The following PNPLA3 variants were observed in gnomAD, a reference collection of about 807,000 sequenced individuals.
The protein encoded by PNPLA3 is 1-acylglycerol-3-phosphate O-acyltransferase PNPLA3.
In PNPLA3, 42 loss-of-function variants were observed where a neutral mutation model predicts 43.1. The observed-to-expected ratio is 0.97, with a 90% CI of 0.76 to 1.26. PNPLA3 has a LOEUF of 1.26. Among genes scored for constraint, PNPLA3 ranks in the 50% most tolerant of loss-of-function variants. The pLI, the probability that PNPLA3 is intolerant of heterozygous loss-of-function variation, is 0.00. For missense variants in PNPLA3, 647 were observed against 621.4 expected (o/e 1.04, Z -0.44); for synonymous variants, 272 against 253.6 (o/e 1.07, Z -0.69).
At chr22:43,930,255 A>C (rs780099584) in intron 3 of PNPLA3, among the ~76,000 whole-genome samples, 1 of 152,172 alleles carries the variant, frequency 6.6e-6, no homozygotes, top group African/African-American at 2.4e-5. Context: ...GAGCACGGCC[A>C]GCGAGCTTGC....
intron 6 of PNPLA3, chr22:43,939,436 G>A: frequency 1.0e-6 from 1 of 967,980 alleles, no homozygotes; most frequent in Non-Finnish European, 1.2e-6. Flanking sequence ...GGAGCTGGGA[G>A]TGGGGACCCT....
In PNPLA3 at chr22:43,946,281, A is replaced by G. The variant is rs2050063075; in HGVS notation, c.1345A>G (p.Ile449Val). 1 of 1,614,186 alleles carries G rather than the reference A, an allele frequency of 6.2e-7. No individual in the cohort carries two copies. The highest frequency in any genetic ancestry group is 1.3e-5 in the African/African-American group (1 of 75,038). The change falls in exon 9 of 9, where the codon ATC (isoleucine) becomes GTC (valine). Residue 449 changes from isoleucine (I) to valine (V), a missense_variant. Coordinates refer to ENST00000216180, the MANE Select transcript of PNPLA3 (RefSeq NM_025225.3). Reference protein sequence around the residue: ...ETKAEATPRSILRSSLNFFLG... With the variant: ...ETKAEATPRSVLRSSLNFFLG... ...CAAAGCAGAGGCCACCCCGCGGTCC[A>G]TCCTCAGGTCCAGCCTGAACTTCTT... is the stretch of plus-strand genomic sequence containing the variant.
Position 43,933,096 on chromosome 22 carries a change from G to A in PNPLA3, c.696+9G>A. On this transcript the variant is annotated intron_variant, in intron 4 of 8. Transcript: ENST00000216180. Reference sequence around the variant, plus strand: ...TCCCCCCGGATCTCAAGGTGAGTTGGTGGTGAGGGGGCAGGTGTTCTGGGG... The same window carrying A: ...TCCCCCCGGATCTCAAGGTGAGTTGATGGTGAGGGGGCAGGTGTTCTGGGG... 1.2e-6 allele frequency: 2 copies of A among 1,612,012 alleles called. No individual in the cohort carries two copies. The highest frequency in any genetic ancestry group is 1.7e-6 in the Non-Finnish European group (2 of 1,179,028).
At position 43,924,015 on chromosome 22, in the gene PNPLA3, A is replaced by T. The variant is rs1248318313; in HGVS notation, c.104A>T (p.His35Leu). ...CGCTGCCTGAGCGAGCACGCCCCGC[A>T]CCTCCTCCGCGACGCGCGCATGTTG... ...ATRCLSEHAP[H>L]LLRDARMLFG... The change falls in exon 1 of 9, where the codon CAC becomes CTC. Residue 35 changes from histidine (H) to leucine (L), a missense_variant. His to Leu is a moderately conservative substitution (Grantham distance 99). Transcript: ENST00000216180. 5.7e-6 allele frequency: 9 copies of T among 1,583,460 alleles called. 1 individual carries two copies. Among genetic ancestry groups the T allele is most frequent in the East Asian group, 4.7e-5 (2 of 42,640 alleles).
intron 6 of PNPLA3, chr22:43,939,434 G>A (rs907407993): frequency 2.1e-6 from 2 of 970,420 alleles, no homozygotes; most frequent in African/African-American, 1.8e-5. Flanking sequence ...AAGGAGCTGG[G>A]AGTGGGGACC....
At chr22:43,932,778 G>A in intron 3 of PNPLA3, 100 bp from the exon 4 acceptor site, 7 of 1,036,570 alleles carry the variant, frequency 6.8e-6, no homozygotes, top group Non-Finnish European at 1.0e-5. Flanking sequence ...GCCTGTTTGT[G>A]GCTCTGAGAA....
rs781212740 is a variant in PNPLA3, at chr22:43,939,979, A to C, written c.980-14A>C. On this transcript the variant is annotated splice_polypyrimidine_tract_variant and intron_variant, in intron 6 of 8. Coordinates refer to ENST00000216180, the MANE Select transcript of PNPLA3 (RefSeq NM_025225.3). Reference sequence around the variant, plus strand: ...CAGTGGTGGGAGATAATAGCTCCAAATTGTCTTTTTCAGCACTGAGTGAAG... The same window carrying C: ...CAGTGGTGGGAGATAATAGCTCCAACTTGTCTTTTTCAGCACTGAGTGAAG... 114 of 1,614,038 alleles carry C rather than the reference A, an allele frequency of 7.1e-5. No individual in the cohort carries two copies. Among genetic ancestry groups the C allele is most frequent in the Non-Finnish European group, 9.0e-5 (106 of 1,180,040 alleles).
rs113793491 is a variant in PNPLA3, at chr22:43,946,685, C to G, written c.*303C>G. On this transcript the variant is annotated 3_prime_UTR_variant, in exon 9 of 9. Transcript: ENST00000216180. ...GGCCCTATTAATGGTCAGACTGTTC[C>G]AGCATGAGGTTCTTAGAATGACAGG... 10 of 591,206 alleles carry G rather than the reference C, an allele frequency of 1.7e-5. No individual in the cohort carries two copies. The highest frequency in any genetic ancestry group is 7.3e-5 in the African/African-American group (4 of 54,586). 36.6% of individuals were successfully genotyped at this position (591,206 alleles called of 1,614,324 possible). A position where few individuals can be genotyped will look rare whatever the true frequency, so the allele number is the denominator to read the frequency against.
chr22:43,946,104 A>G (rs751568967), intron 8 of PNPLA3, 50 bp from the exon 9 acceptor site: 1 of 1,560,178 alleles, frequency 6.4e-7, no homozygotes, highest in African/African-American at 1.4e-5. Flanking sequence ...CAGACTGCAC[A>G]CTGCAGCAGC....
Position 43,946,462 on chromosome 22 carries a change from C to A in PNPLA3, c.*80C>A. 1 of 1,333,484 alleles carries A rather than the reference C, an allele frequency of 7.5e-7. No homozygotes were observed. Among genetic ancestry groups the A allele is most frequent in the Non-Finnish European group, 1.1e-6 (1 of 930,954 alleles). The allele number at this position is 1,333,484 out of a possible 1,614,324, so 82.6% of individuals were successfully genotyped here. ...TCTTTGTGCAGCTACCTCCGCATTG[C>A]TGTGTAGTGACCCCTGCCTGTGACG... On this transcript the variant is annotated 3_prime_UTR_variant, in exon 9 of 9. Coordinates refer to ENST00000216180, the MANE Select transcript of PNPLA3 (RefSeq NM_025225.3).
Position 43,923,970 on chromosome 22 carries a change from TC to T in PNPLA3, c.60del (p.Tyr21ThrfsTer9), listed in dbSNP as rs1244386548. ...TTCGCGGGCTGCGGCTTCCTGGGCT[TC>T]TACCACGTCGGGGCGACCCGCTGCC... ...LSFAGCGFLG[F>X]YHVGATRCLS... is the part of the protein sequence containing the mutation. On this transcript the variant is annotated frameshift_variant, in exon 1 of 9. Coordinates refer to ENST00000216180, the MANE Select transcript of PNPLA3 (RefSeq NM_025225.3). LOFTEE classifies it high-confidence loss of function. 6.3e-7 allele frequency: 1 copy of T among 1,585,120 alleles called. No homozygotes were observed. The highest frequency in any genetic ancestry group is 1.4e-5 in the African/African-American group (1 of 72,392).
In PNPLA3 at chr22:43,927,182, T is replaced by C. The variant is rs2049929361; in HGVS notation, c.420+15T>C. On this transcript the variant is annotated intron_variant, in intron 2 of 8. Transcript: ENST00000216180. ...AAGTCGTGGATGTAAGCAGTTTGCT[T>C]ATCTGGACGTTGTCAAGTTAGAAAA... The C allele has an allele frequency of 2.5e-6, 4 of 1,609,608 alleles. No homozygotes were observed. The highest frequency in any genetic ancestry group is 3.4e-6 in the Non-Finnish European group (4 of 1,176,126).
intron 7 of PNPLA3, 144 bp from the exon 8 acceptor site, chr22:43,944,547 T>C: frequency 1.5e-6 from 1 of 670,632 alleles, no homozygotes; most frequent in Non-Finnish European, 2.7e-6. Flanking sequence ...GGTGGGCTTG[T>C]CCTTGTCCTA....
chr22:43,926,128 C>T (rs780672305), intron 1 of PNPLA3, among the ~76,000 whole-genome samples: 1 of 152,240 alleles, frequency 6.6e-6, no homozygotes, highest in Non-Finnish European at 1.5e-5. Flanking sequence ...GACACAGCAC[C>T]TCAGTGCATC....
rs945421346 is a variant in PNPLA3 at position 43,928,948 on chromosome 22, A to G, written c.486+59A>G. The G allele has an allele frequency of 3.3e-6, 5 of 1,500,016 alleles. No homozygotes were observed. In the Admixed American group the frequency reaches 5.0e-5, roughly 15 times the overall value. The allele number at this position is 1,500,016 out of a possible 1,614,324, so 92.9% of individuals were successfully genotyped here. A position where few individuals can be genotyped will look rare whatever the true frequency, so the allele number is the denominator to read the frequency against. On this transcript the variant is annotated intron_variant, in intron 3 of 8. Coordinates refer to ENST00000216180, the MANE Select transcript of PNPLA3 (RefSeq NM_025225.3). Reference sequence around the variant, plus strand: ...GGGGGCCTCTGAAGTGTGCTCACACATCTCCTGCCTGCAGGGCACTGGTGT... The same window carrying G: ...GGGGGCCTCTGAAGTGTGCTCACACGTCTCCTGCCTGCAGGGCACTGGTGT...
rs568533331 is a variant in PNPLA3 at position 43,944,573 on chromosome 22, CT to C, written c.1113-116del. ...CCTTGTCCTAGCATCCCAGATCCAC[CT>C]TCTGGGAAGTCATCAGATTGGAGGT... On this transcript the variant is annotated intron_variant, in intron 7 of 8. Transcript: ENST00000216180. 284 of 792,814 alleles carry C rather than the reference CT, an allele frequency of 3.6e-4. 2 individuals are homozygous for C. The highest frequency in any genetic ancestry group is 1.6e-3 in the South Asian group (100 of 61,832). The allele number at this position is 792,814 out of a possible 1,614,324, so 49.1% of individuals were successfully genotyped here.
intron 8 of PNPLA3, 89 bp downstream of exon 8, chr22:43,944,884 G>A: frequency 8.6e-7 from 1 of 1,164,812 alleles, no homozygotes; most frequent in Non-Finnish European, 1.3e-6. Flanking sequence ...ACAGCTGGCT[G>A]AACACCAAGC....
intron 4 of PNPLA3, 108 bp downstream of exon 4, chr22:43,933,195 T>C: frequency 2.8e-6 from 3 of 1,056,878 alleles, no homozygotes; most frequent in Non-Finnish European, 4.2e-6. Flanking sequence ...GAAATAGACC[T>C]GTCCTTGATG....
In PNPLA3 at chr22:43,946,771, G is replaced by A. The variant is rs767604048; in HGVS notation, c.*389G>A. 1.9e-6 allele frequency: 1 copy of A among 525,650 alleles called. No individual in the cohort carries two copies. Among genetic ancestry groups the A allele is most frequent in the South Asian group, 1.4e-5 (1 of 71,498 alleles). 32.6% of individuals were successfully genotyped at this position (525,650 alleles called of 1,614,324 possible). On this transcript the variant is annotated 3_prime_UTR_variant, in exon 9 of 9. Coordinates refer to ENST00000216180, the MANE Select transcript of PNPLA3 (RefSeq NM_025225.3). ...GGCTGGCCCATGTGTGATCTTGTGG[G>A]GTGGAGGGAAGAGAATAGCATGATC...
Sources: gnomAD v4.1 joint callset for allele counts (sites outside exome capture counted in the v4.1 genomes callset) on GRCh38, gnomAD v4.1.1 for gene constraint, MANE v1.5 for transcripts, NCBI Gene and HGNC (gene_info 2026-07-23, HGNC 2026-07-21) for gene names.